Variants in ARHGEF3 observed in about 807,000 individuals in gnomAD.
ARHGEF3 encodes the protein Rho guanine nucleotide exchange factor 3.
A neutral mutation model predicts 63.2 loss-of-function variants in ARHGEF3; 28 were observed. That is an observed-to-expected ratio of 0.44 (90% CI 0.33 to 0.61). The LOEUF is 0.61. Among genes scored for constraint, ARHGEF3 ranks in the 20% least tolerant of loss-of-function variants. The pLI, the probability that ARHGEF3 is intolerant of heterozygous loss-of-function variation, is 0.03. For missense variants in ARHGEF3, 533 were observed against 659.3 expected, an observed-to-expected ratio of 0.81 and a Z score of 2.10; for synonymous variants, 266 against 254.2, an observed-to-expected ratio of 1.05 and a Z score of -0.44.
At chr3:56,877,346 T>C (rs1428519397) in intron 4 of ARHGEF3, among the ~76,000 whole-genome samples, 2 of 151,686 alleles carry the variant, frequency 1.3e-5, no homozygotes, top group East Asian at 3.9e-4. Context: ...AAGTGAAAAA[T>C]TCATGAATAA....
intron 3 of ARHGEF3, among the ~76,000 whole-genome samples, chr3:56,934,999 G>A (rs2042520146): frequency 6.6e-6 from 1 of 152,230 alleles, no homozygotes; most frequent in South Asian, 2.1e-4. Flanking sequence ...TCAGCACCCT[G>A]TGTCTAGCTC....
chr3:56,751,597 G>GATAA (rs761137490), intron 4 of ARHGEF3, among the ~76,000 whole-genome samples: 2 of 152,282 alleles, frequency 1.3e-5, no homozygotes, highest in Non-Finnish European at 2.9e-5. Flanking sequence ...CTTTGTGGTT[G>GATAA]ATAAACCAAA....
chr3:56,999,623 T>C (rs989388522), intron 2 of ARHGEF3, among the ~76,000 whole-genome samples: 6 of 152,198 alleles, frequency 3.9e-5, no homozygotes, highest in African/African-American at 1.2e-4. Flanking sequence ...TTGGGCAATA[T>C]AGCCAGACCC....
At chr3:56,857,550 AATTGAGTC>A (rs1416672109) in intron 4 of ARHGEF3, among the ~76,000 whole-genome samples, 1 of 152,208 alleles carries the variant, frequency 6.6e-6, no homozygotes, top group Non-Finnish European at 1.5e-5. Context: ...ATAGTTTAGT[AATTGAGTC>A]AGTCAATCAG....
chr3:56,733,726 G>A (rs1034786953), intron 8 of ARHGEF3, among the ~76,000 whole-genome samples: 3 of 151,908 alleles, frequency 2.0e-5, no homozygotes, highest in African/African-American at 7.2e-5. Flanking sequence ...GCTCACGCCT[G>A]GAATCCCAGC....
rs532405658 is a variant in ARHGEF3, at chr3:56,946,378, G to GA, written c.129+12444dup. 5.3e-5 allele frequency among the ~76,000 whole-genome samples: 8 copies of GA among 151,872 alleles called. No individual in the cohort carries two copies. In the South Asian group the frequency reaches 1.0e-3, roughly 20 times the overall value. On this transcript the variant is annotated intron_variant, in intron 3 of 12. Coordinates refer to the ARHGEF3 transcript ENST00000338458. ...CCATGGCAAAGAAGTTAAAAACCTT[G>GA]AAAAAAAATTAGACAAATGGCTAAC...
chr3:56,770,506 G>C (rs1190931589), intron 2 of ARHGEF3, among the ~76,000 whole-genome samples: 2 of 152,086 alleles, frequency 1.3e-5, no homozygotes, highest in Non-Finnish European at 2.9e-5. Flanking sequence ...TAGCTGGTGA[G>C]GGAAACTATT....
intron 1 of ARHGEF3, among the ~76,000 whole-genome samples, chr3:56,783,218 C>T (rs1320750779): frequency 6.6e-6 from 1 of 152,184 alleles, no homozygotes; most frequent in Non-Finnish European, 1.5e-5. Context: ...CACTTTATGA[C>T]AATTTCTGTA....
chr3:56,836,219 C>T (rs567507751), intron 4 of ARHGEF3, among the ~76,000 whole-genome samples: 95 of 152,286 alleles, frequency 6.2e-4, no homozygotes, highest in African/African-American at 2.1e-3. Flanking sequence ...ATGAAAAACT[C>T]CTAATGAATA....
chr3:56,858,669 G>C (rs1017662080), intron 4 of ARHGEF3, among the ~76,000 whole-genome samples: 3 of 152,224 alleles, frequency 2.0e-5, no homozygotes, highest in Non-Finnish European at 4.4e-5. Flanking sequence ...TTTGCAAGGA[G>C]GTGACATTGA....
intron 1 of ARHGEF3, among the ~76,000 whole-genome samples, chr3:56,787,926 A>T (rs1217109459): frequency 6.6e-6 from 1 of 152,184 alleles, no homozygotes; most frequent in Non-Finnish European, 1.5e-5. Flanking sequence ...CTATTAACTC[A>T]GCAAGGCCTG....
chr3:56,898,395 G>A (rs1302553614), intron 3 of ARHGEF3, among the ~76,000 whole-genome samples: 2 of 151,992 alleles, frequency 1.3e-5, no homozygotes, highest in Non-Finnish European at 2.9e-5. Context: ...TTTTAGTGGA[G>A]AGGGGGTTTC....
At chr3:56,847,731 C>T (rs907332065) in intron 4 of ARHGEF3, among the ~76,000 whole-genome samples, 1 of 152,154 alleles carries the variant, frequency 6.6e-6, no homozygotes, top group Non-Finnish European at 1.5e-5. Context: ...GCATCCACCA[C>T]CATGCCCAGC....
At chr3:56,962,448 T>G (rs748280891) in intron 2 of ARHGEF3, among the ~76,000 whole-genome samples, 114 of 152,344 alleles carry the variant, frequency 7.5e-4, no homozygotes, top group Non-Finnish European at 1.3e-3. Flanking sequence ...TGTCCAGCCC[T>G]CAGGCTCCTC....
intron 1 of ARHGEF3, chr3:57,074,303 G>C: frequency 6.3e-7 from 1 of 1,577,622 alleles, no homozygotes; most frequent in Non-Finnish European, 8.7e-7. Flanking sequence ...GAGTCTGGCA[G>C]CTGTTTGTCT....
intron 1 of ARHGEF3, among the ~76,000 whole-genome samples, chr3:56,799,358 G>A (rs971826794): frequency 6.6e-6 from 1 of 152,272 alleles, no homozygotes; most frequent in Admixed American, 6.5e-5. Flanking sequence ...CATTACACAC[G>A]GCCATTAAAT....
intron 1 of ARHGEF3, among the ~76,000 whole-genome samples, chr3:57,077,261 G>A (rs1360248122): frequency 6.6e-6 from 1 of 152,156 alleles, no homozygotes; most frequent in Admixed American, 6.5e-5. Context: ...ACTGAAAAGT[G>A]TGTTCTGGGA....
At chr3:56,813,899 G>C (rs910335616) in intron 4 of ARHGEF3, among the ~76,000 whole-genome samples, 14 of 151,750 alleles carry the variant, frequency 9.2e-5, no homozygotes, top group African/African-American at 3.1e-4. Flanking sequence ...TGCTTCTCCA[G>C]TTTCTGAGCT....
At chr3:56,971,887 G>A (rs1700927120) in intron 2 of ARHGEF3, among the ~76,000 whole-genome samples, 2 of 151,742 alleles carry the variant, frequency 1.3e-5, no homozygotes, top group South Asian at 4.2e-4. Flanking sequence ...AAGCACTTTG[G>A]GTTATACATG....
Sources: allele counts gnomAD v4.1 joint callset (sites outside exome capture counted in the v4.1 genomes callset), GRCh38; gene constraint gnomAD v4.1.1; transcripts MANE v1.5; gene names NCBI Gene and HGNC (gene_info 2026-07-23, HGNC 2026-07-21).